UBP1: variants seen among roughly 807,000 people sequenced by gnomAD.
The protein encoded by UBP1 is upstream binding protein 1.
In UBP1, 22 loss-of-function variants were observed where a neutral mutation model predicts 76.1. That is an observed-to-expected ratio of 0.29 (90% confidence interval 0.21 to 0.41). The LOEUF (loss-of-function observed/expected upper bound fraction) is 0.41. UBP1 is among the 10% of genes least tolerant of loss of function. The pLI is 1.00. For missense variants in UBP1, 436 were observed against 668.1 expected (o/e 0.65, Z 3.83); for synonymous variants, 224 against 237.1 (o/e 0.94, Z 0.51).
At chr3:33,394,764 G>C (rs1251503724) in intron 13 of UBP1, among the ~76,000 whole-genome samples, 1 of 149,964 alleles carries the variant, frequency 6.7e-6, no homozygotes. Flanking sequence ...AAATGATCTA[G>C]AGCAGGTGTC....
intron 2 of UBP1, among the ~76,000 whole-genome samples, chr3:33,423,764 A>T (rs1350706213): frequency 1.3e-5 from 2 of 152,230 alleles, no homozygotes; most frequent in African/African-American, 4.8e-5. Context: ...AAATGAATAA[A>T]TCTCTCCTAG....
chr3:33,422,749 A>G (rs1575485798), intron 2 of UBP1, among the ~76,000 whole-genome samples: 1 of 102,018 alleles, frequency 9.8e-6, no homozygotes, highest in African/African-American at 3.9e-5. Context: ...GGAGAGGGGG[A>G]GGGAGAGGAG....
At chr3:33,395,849 C>CA (rs1185296193) in intron 13 of UBP1, among the ~76,000 whole-genome samples, 8,846 of 105,782 alleles carry the variant, frequency 0.084, 922 homozygotes, top group African/African-American at 0.26. Flanking sequence ...TAAATCTGAC[C>CA]AAAAAAAAAA....
At chr3:33,426,021 A>G (rs1312038545) in intron 1 of UBP1, among the ~76,000 whole-genome samples, 2 of 102,876 alleles carry the variant, frequency 1.9e-5, no homozygotes, top group African/African-American at 3.5e-5. Flanking sequence ...ATATATATAT[A>G]TATATATATA....
intron 1 of UBP1, among the ~76,000 whole-genome samples, chr3:33,427,963 G>A (rs2045046863): frequency 6.6e-6 from 1 of 152,098 alleles, no homozygotes; most frequent in Non-Finnish European, 1.5e-5. Flanking sequence ...AGGCTGAGGT[G>A]GGTGATCACC....
chr3:33,434,789 C>A (rs1358929133), intron 1 of UBP1, among the ~76,000 whole-genome samples: 1 of 147,578 alleles, frequency 6.8e-6, no homozygotes, highest in East Asian at 2.0e-4. Flanking sequence ...CGGGTTCAAG[C>A]GATTCTCCTG....
chr3:33,425,467 T>G, intron 2 of UBP1, 123 bp downstream of exon 2: 1 of 1,063,792 alleles, frequency 9.4e-7, no homozygotes, highest in Non-Finnish European at 1.3e-6. Context: ...TTCATTAAGT[T>G]GTAAAATTTA....
chr3:33,424,129 A>G (rs2044969056), intron 2 of UBP1, among the ~76,000 whole-genome samples: 1 of 152,168 alleles, frequency 6.6e-6, no homozygotes, highest in South Asian at 2.1e-4. Context: ...TTGCCCCTAC[A>G]TTGTTTCTTC....
intron 7 of UBP1, 104 bp downstream of exon 7, chr3:33,409,132 G>GC: frequency 1.8e-6 from 2 of 1,091,526 alleles, no homozygotes; most frequent in South Asian, 1.5e-5. Flanking sequence ...ATGTCAAACT[G>GC]CCACCCAATC....
rs539714136 is a variant in UBP1 at position 33,396,609 on chromosome 3, G to A, written c.1272-329C>T. On this transcript the variant is annotated intron_variant, in intron 12 of 15. Transcript: ENST00000283629. ...TTCTCACACCACAAGTATAGAAAGA[G>A]CAATGATAGTAAATGGTTCTTACAA... 9.9e-6 allele frequency: 4 copies of A among 403,306 alleles called. No homozygotes were observed. In the East Asian group the frequency reaches 1.7e-4, roughly 17 times the overall value. The allele number at this position is 403,306 out of a possible 1,614,324, so 25.0% of individuals were successfully genotyped here. A position where few individuals can be genotyped will look rare whatever the true frequency, so the allele number is the denominator to read the frequency against.
chr3:33,429,423 ACT>A (rs1212944302), intron 1 of UBP1, among the ~76,000 whole-genome samples: 2 of 151,702 alleles, frequency 1.3e-5, no homozygotes, highest in Non-Finnish European at 2.9e-5. Context: ...ATCATGGCTC[ACT>A]ACAGCCTCAA....
chr3:33,408,905 A>G, intron 7 of UBP1, 108 bp from the exon 8 acceptor site: 3 of 1,055,788 alleles, frequency 2.8e-6, no homozygotes, highest in African/African-American at 1.6e-5. Context: ...CATGACTAAC[A>G]GGATTCAAAG....
Position 33,390,286 on chromosome 3 carries a change from A to G in UBP1, c.*45T>C, listed in dbSNP as rs1245194039. On this transcript the variant is annotated 3_prime_UTR_variant, in exon 16 of 16. Transcript: ENST00000283629. ...TGGATTCAGTCTTCACACACTTTTA[A>G]GCGTGACTATTTGGTACTGAATACA... 3.2e-6 allele frequency: 5 copies of G among 1,583,874 alleles called. No homozygotes were observed. The highest frequency in any genetic ancestry group is 3.5e-6 in the Non-Finnish European group (4 of 1,155,382).
chr3:33,393,462 T>TAAAAA lies in UBP1; in HGVS notation c.1391-13_1391-9dup. The TAAAAA allele has an allele frequency of 7.4e-7, 1 of 1,345,758 alleles. No individual in the cohort carries two copies. Among genetic ancestry groups the TAAAAA allele is most frequent in the Admixed American group, 2.2e-5 (1 of 45,340 alleles). The allele number at this position is 1,345,758 out of a possible 1,614,324, so 83.4% of individuals were successfully genotyped here. ...AGTAGATTGCATGATAAACTGAAAT[T>TAAAAA]AAAAAAAAAAAAAGAAAAGCATTTT... On this transcript the variant is annotated splice_polypyrimidine_tract_variant and intron_variant, in intron 13 of 15. Coordinates refer to ENST00000283629, the MANE Select transcript of UBP1 (RefSeq NM_014517.5).
chr3:33,393,129 C>T, intron 14 of UBP1, 183 bp downstream of exon 14: 1 of 657,502 alleles, frequency 1.5e-6, no homozygotes, highest in South Asian at 2.9e-5. Context: ...GCTTGTATTC[C>T]ATATTATCAC....
At chr3:33,420,264 T>G (rs1355508236) in intron 2 of UBP1, among the ~76,000 whole-genome samples, 1 of 152,236 alleles carries the variant, frequency 6.6e-6, no homozygotes, top group Non-Finnish European at 1.5e-5. Flanking sequence ...CTGAAATATT[T>G]AACGGAATTC....
intron 11 of UBP1, 21 bp downstream of exon 11, chr3:33,400,168 T>A: frequency 6.9e-7 from 1 of 1,444,332 alleles, no homozygotes. Context: ...CATGCACAGA[T>A]ACACACACAC....
chr3:33,415,525 T>C (rs1487303319), intron 3 of UBP1, among the ~76,000 whole-genome samples: 2 of 152,176 alleles, frequency 1.3e-5, no homozygotes, highest in Non-Finnish European at 2.9e-5. Context: ...ATACCAGATA[T>C]ATTTATTATA....
chr3:33,391,769 G>A (rs2043773979), intron 15 of UBP1: 1 of 152,210 alleles, frequency 6.6e-6, no homozygotes, highest in Non-Finnish European at 1.5e-5. Context: ...CTTCTCATCT[G>A]TCTCCACAGA....
Sources: gnomAD v4.1 joint callset for allele counts (sites outside exome capture counted in the v4.1 genomes callset) on GRCh38, gnomAD v4.1.1 for gene constraint, MANE v1.5 for transcripts, NCBI Gene and HGNC (gene_info 2026-07-23, HGNC 2026-07-21) for gene names.